Variants in GPR89B observed in about 807,000 individuals in gnomAD.
The protein encoded by GPR89B is G protein-coupled receptor 89B.
GPR89B carries 25 observed loss-of-function variants against 52.4 expected under a neutral mutation model. The observed-to-expected ratio is 0.48, with a 90% CI of 0.35 to 0.67. The LOEUF is 0.67. GPR89B is among the 30% of genes least tolerant of loss of function. The pLI is 0.01. For missense variants in GPR89B, 146 were observed against 450.2 expected, an observed-to-expected ratio of 0.32 and a Z score of 6.11; for synonymous variants, 52 against 151.2, an observed-to-expected ratio of 0.34 and a Z score of 4.81.
rs587763831 is a variant in GPR89B at position 147,928,491 on chromosome 1, C to T, written c.-46C>T. On this transcript the variant is annotated 5_prime_UTR_variant, in exon 1 of 14. Coordinates refer to ENST00000314163, the MANE Select transcript of GPR89B (RefSeq NM_016334.5). ...GCCTGTGGCCCCAGCGTGCTGTGGC[C>T]TCCGGGAGTGGGAAGTGGAGGCAGG... is the stretch of plus-strand genomic sequence containing the variant. The T allele has an allele frequency of 1.5e-5, 24 of 1,612,720 alleles. No individual in the cohort carries two copies. Among genetic ancestry groups the T allele is most frequent in the Non-Finnish European group, 2.0e-5 (24 of 1,178,838 alleles).
chr1:147,942,928 CT>C (rs1310433099), intron 3 of GPR89B, among the ~76,000 whole-genome samples: 1 of 70,264 alleles, frequency 1.4e-5, no homozygotes, highest in African/African-American at 5.6e-5. Context: ...CTCATTAAAA[CT>C]GTTATAAAAA....
chr1:147,975,617 C>G (rs1467963961), intron 10 of GPR89B, among the ~76,000 whole-genome samples: 1 of 152,240 alleles, frequency 6.6e-6, no homozygotes, highest in Admixed American at 6.5e-5. Context: ...CTCCTGGATT[C>G]GTTGATTTTT....
At chr1:147,933,445 A>T (rs1202433589) in intron 1 of GPR89B, among the ~76,000 whole-genome samples, 1 of 151,736 alleles carries the variant, frequency 6.6e-6, no homozygotes, top group South Asian at 2.1e-4. Flanking sequence ...GGTGGTTTCA[A>T]CTCATAGGTA....
intron 7 of GPR89B, among the ~76,000 whole-genome samples, chr1:147,957,652 G>C (rs1268831228): frequency 1.3e-5 from 2 of 151,566 alleles, no homozygotes; most frequent in Non-Finnish European, 1.5e-5. Context: ...TTACCCATAA[G>C]TAAATGGTAA....
the GPR89B span, chr1:148,021,802 G>A: frequency 2.0e-5 from 3 of 149,378 alleles, no homozygotes; most frequent in East Asian, 5.8e-4. Context: ...AAGCAGTGTG[G>A]TGGGGAGGCC....
At chr1:148,006,442 G>C in the GPR89B span, among the ~76,000 whole-genome samples, 1 of 152,096 alleles carries the variant, frequency 6.6e-6, no homozygotes, top group African/African-American at 2.4e-5. Context: ...TTACAGAAAT[G>C]CTGTCAATTC....
rs1257297920 is a variant in GPR89B at position 147,958,782 on chromosome 1, A to G, written c.617+4380A>G. ...CCCTATAATGCATTGTCTGGTCAGG[A>G]TCAGGAATGGTTTGTGGTCCGACAG... On this transcript the variant is annotated intron_variant, in intron 7 of 13. Transcript: ENST00000314163. Among the ~76,000 whole-genome samples the G allele has an allele frequency of 7.9e-3, 1,198 of 152,138 alleles. 26 individuals carry two copies. The highest frequency in any genetic ancestry group is 0.046 in the East Asian group (241 of 5,184).
the GPR89B span, among the ~76,000 whole-genome samples, chr1:148,000,775 T>TAA: frequency 3.6e-4 from 26 of 72,530 alleles, no homozygotes; most frequent in East Asian, 1.6e-3. Flanking sequence ...GTGTTAAAAG[T>TAA]AAAAAAAAAA....
chr1:147,957,299 G>A (rs1161005490), intron 7 of GPR89B, among the ~76,000 whole-genome samples: 1 of 152,098 alleles, frequency 6.6e-6, no homozygotes, highest in African/African-American at 2.4e-5. Context: ...CAACTTAATG[G>A]TGTGACCTTG....
the GPR89B span, among the ~76,000 whole-genome samples, chr1:148,006,908 G>T: frequency 1.3e-5 from 2 of 150,572 alleles, no homozygotes; most frequent in African/African-American, 4.9e-5. Flanking sequence ...GTAGAGATGG[G>T]GTTTCGCCAT....
intron 8 of GPR89B, 37 bp from the exon 9 acceptor site, chr1:147,968,838 C>G (rs1387087264): frequency 1.3e-5 from 21 of 1,613,316 alleles, no homozygotes; most frequent in Non-Finnish European, 1.8e-5. Flanking sequence ...CTTGAAATTC[C>G]TATGTGATTA....
chr1:147,968,187 G>A, intron 8 of GPR89B: 1 of 442,954 alleles, frequency 2.3e-6, no homozygotes, highest in Non-Finnish European at 4.5e-6. Flanking sequence ...TTCTCTAAAT[G>A]GGAGAATAAT....
chr1:147,943,367 TG>T (rs1216947606), intron 3 of GPR89B, 70 bp from the exon 4 acceptor site: 1 of 1,597,642 alleles, frequency 6.3e-7, no homozygotes, highest in Non-Finnish European at 8.5e-7. Context: ...AAGGACCCTT[TG>T]GAAGACTAAA....
At chr1:147,947,512 C>A (rs1184033224) in intron 5 of GPR89B, among the ~76,000 whole-genome samples, 1 of 151,900 alleles carries the variant, frequency 6.6e-6, no homozygotes, top group Admixed American at 6.6e-5. Flanking sequence ...GTGAGATGAT[C>A]TTCTGCTAGT....
At chr1:148,015,445 G>C in the GPR89B span, among the ~76,000 whole-genome samples, 1 of 148,208 alleles carries the variant, frequency 6.7e-6, no homozygotes, top group Non-Finnish European at 1.5e-5. Flanking sequence ...CTCCCGAGTA[G>C]CTGGGATTAT....
chr1:148,012,503 C>G, the GPR89B span, among the ~76,000 whole-genome samples: 3 of 149,380 alleles, frequency 2.0e-5, no homozygotes, highest in African/African-American at 7.5e-5. Context: ...CGCCCCACTC[C>G]CCCACCCCCG....
intron 10 of GPR89B, among the ~76,000 whole-genome samples, chr1:147,977,233 CAAAAAAAAAAAAAAAA>C (rs1191631857): frequency 6.3e-4 from 26 of 41,308 alleles, no homozygotes; most frequent in Non-Finnish European, 9.6e-4. Flanking sequence ...GACTCCATCT[CAAAAAAAAAAAAAAAA>C]AAAAAAAAAA....
At chr1:148,005,582 G>A in the GPR89B span, 1 of 1,113,316 alleles carries the variant, frequency 9.0e-7, no homozygotes, top group South Asian at 1.5e-5. Context: ...CTGTGATGTT[G>A]ACTTCTGATT....
chr1:147,999,618 G>A, the GPR89B span, among the ~76,000 whole-genome samples: 7 of 149,582 alleles, frequency 4.7e-5, no homozygotes, highest in South Asian at 1.5e-3. Flanking sequence ...AAAAAAGTGT[G>A]CTCCTTCTTA....
Sources: allele counts gnomAD v4.1 joint callset (sites outside exome capture counted in the v4.1 genomes callset), GRCh38; gene constraint gnomAD v4.1.1; transcripts MANE v1.5; gene names NCBI Gene and HGNC (gene_info 2026-07-23, HGNC 2026-07-21).